The following SNCAIP variants were observed in gnomAD, a reference collection of about 807,000 sequenced individuals.
SNCAIP encodes synuclein alpha interacting protein, also known as synphilin-1.
In SNCAIP, 43 loss-of-function variants were observed where a neutral mutation model predicts 86.7. The observed-to-expected ratio is 0.50, with a 90% CI of 0.39 to 0.64. SNCAIP has a LOEUF of 0.64. SNCAIP is among the 30% of genes least tolerant of loss of function. The pLI is 0.00. For synonymous variants in SNCAIP, 417 were observed against 427.2 expected (o/e 0.98, Z 0.29); for missense variants, 981 against 1,103.1 (o/e 0.89, Z 1.57).
Position 122,377,515 on chromosome 5 carries a change from AGAG to A in SNCAIP, c.-46-13573_-46-13571del, listed in dbSNP as rs1356219960. Among the ~76,000 whole-genome samples, 5 of 151,742 alleles carry A rather than the reference AGAG, an allele frequency of 3.3e-5. No individual in the cohort carries two copies. In the East Asian group the frequency reaches 9.7e-4, roughly 29 times the overall value. On this transcript the variant is annotated intron_variant, in intron 1 of 10. Transcript: ENST00000261368. The stretch of plus-strand genomic sequence containing the variant: ...CAGACAGAGAGAGAGAGAGAGAGAG[AGAG>A]AGAAAGAAAGAAAGAGAGATCAGAT...
Position 122,413,431 on chromosome 5 carries a change from A to T in SNCAIP, c.131-9437A>T, listed in dbSNP as rs139186574. ...TAATTGGCTTCTTCTCATCCTCCAG[A>T]TCTTAGCTTAAATGTCACCTCCTTG... On this transcript the variant is annotated intron_variant, in intron 3 of 10. Coordinates refer to ENST00000261368, the MANE Select transcript of SNCAIP (RefSeq NM_005460.4). 2.4e-3 allele frequency among the ~76,000 whole-genome samples: 359 copies of T among 152,192 alleles called. 1 individual carries two copies. The highest frequency in any genetic ancestry group is 7.3e-3 in the African/African-American group (302 of 41,528).
chr5:122,463,675 C>T lies in SNCAIP; in HGVS notation c.*179C>T. The T allele has an allele frequency of 1.6e-6, 1 of 618,392 alleles. No homozygotes were observed. Among genetic ancestry groups the T allele is most frequent in the East Asian group, 2.8e-5 (1 of 36,168 alleles). The allele number at this position is 618,392 out of a possible 1,614,324, so 38.3% of individuals were successfully genotyped here. On this transcript the variant is annotated 3_prime_UTR_variant, in exon 11 of 11. Transcript: ENST00000261368. ...GAGAACCATGAAAACAATGCCTCAC[C>T]AGCAGAAGAACAGAATATCAGGATG...
chr5:122,335,821 G>A (rs1182622120), intron 1 of SNCAIP, among the ~76,000 whole-genome samples: 1 of 152,168 alleles, frequency 6.6e-6, no homozygotes, highest in African/African-American at 2.4e-5. Flanking sequence ...AATACAGGCT[G>A]CCCCAGGAAG....
chr5:122,406,645 T>C (rs1465837044), intron 3 of SNCAIP, among the ~76,000 whole-genome samples: 1 of 152,108 alleles, frequency 6.6e-6, no homozygotes, highest in African/African-American at 2.4e-5. Context: ...AAGTTTGTAA[T>C]ACCTCTCCTA....
chr5:122,444,594 T>C lies in SNCAIP; in HGVS notation c.1454T>C (p.Met485Thr), dbSNP rs753209695. The stretch of plus-strand genomic sequence containing the variant: ...GTTGAATATGGAGCAAATGTCACCA[T>C]GCAGAACCACGCTGGGGAAAAGCCC... ...TLVEYGANVT[M>T]QNHAGEKPSQ... Residue 485 changes from methionine to threonine, a missense_variant, in exon 8 of 11, where the codon ATG becomes ACG. Physicochemically the swap from Met to Thr is moderately conservative, Grantham distance 81. Coordinates refer to ENST00000261368, the MANE Select transcript of SNCAIP (RefSeq NM_005460.4). 5.0e-6 allele frequency: 8 copies of C among 1,614,068 alleles called. No individual in the cohort carries two copies. Among genetic ancestry groups the C allele is most frequent in the African/African-American group, 1.3e-5 (1 of 74,930 alleles).
chr5:122,375,323 T>G (rs1005631364), intron 1 of SNCAIP, among the ~76,000 whole-genome samples: 1 of 152,166 alleles, frequency 6.6e-6, no homozygotes, highest in African/African-American at 2.4e-5. Flanking sequence ...ATAATTCTAA[T>G]TAAAAATATA....
chr5:122,461,211 G>A (rs984398754), intron 10 of SNCAIP, among the ~76,000 whole-genome samples: 1 of 152,118 alleles, frequency 6.6e-6, no homozygotes, highest in African/African-American at 2.4e-5. Context: ...TAATGTGTCT[G>A]TTGAGAAGCC....
Position 122,341,167 on chromosome 5 carries a change from C to T in SNCAIP, c.-47+28883C>T, listed in dbSNP as rs140450807. Among the ~76,000 whole-genome samples the T allele has an allele frequency of 7.0e-4, 106 of 152,292 alleles. 1 individual carries two copies. Among genetic ancestry groups the T allele is most frequent in the Middle Eastern group, 3.4e-3 (1 of 292 alleles). On this transcript the variant is annotated intron_variant, in intron 1 of 10. Coordinates refer to ENST00000261368, the MANE Select transcript of SNCAIP (RefSeq NM_005460.4). The stretch of plus-strand genomic sequence containing the variant: ...GGCTAACCAGCGAGGATAATCAGCA[C>T]CTTGTCTTTCTTAAAATTGACAGGG...
intron 2 of SNCAIP, among the ~76,000 whole-genome samples, chr5:122,402,404 G>C (rs1278659743): frequency 6.6e-6 from 1 of 152,170 alleles, no homozygotes; most frequent in African/African-American, 2.4e-5. Flanking sequence ...CTGAGCATGT[G>C]GGTGGGTTTG....
chr5:122,345,680 A>G (rs984123796), intron 1 of SNCAIP, among the ~76,000 whole-genome samples: 20 of 144,700 alleles, frequency 1.4e-4, no homozygotes, highest in African/African-American at 5.5e-4. Context: ...CAACACCCGG[A>G]GTCAGGGGAT....
chr5:122,355,458 G>A (rs994978291), intron 1 of SNCAIP, among the ~76,000 whole-genome samples: 1 of 152,032 alleles, frequency 6.6e-6, no homozygotes, highest in African/African-American at 2.4e-5. Flanking sequence ...GATAAACCCC[G>A]GGTGTGAGGC....
intron 6 of SNCAIP, among the ~76,000 whole-genome samples, chr5:122,435,800 G>A (rs971103726): frequency 6.6e-6 from 1 of 152,096 alleles, no homozygotes; most frequent in Non-Finnish European, 1.5e-5. Context: ...ACTTTAAAAA[G>A]GAAAAATATT....
At chr5:122,398,794 A>G (rs1225638520) in intron 2 of SNCAIP, among the ~76,000 whole-genome samples, 1 of 152,146 alleles carries the variant, frequency 6.6e-6, no homozygotes, top group East Asian at 1.9e-4. Context: ...TCAGGAATAA[A>G]AGCCAAAGCT....
At chr5:122,356,899 A>G (rs1761122094) in intron 1 of SNCAIP, among the ~76,000 whole-genome samples, 1 of 152,090 alleles carries the variant, frequency 6.6e-6, no homozygotes, top group African/African-American at 2.4e-5. Context: ...TTTGATCTCT[A>G]CCTAGCTCCT....
At position 122,351,536 on chromosome 5, in the gene SNCAIP, C is replaced by CAAAAAAAA. The variant is rs541191012; in HGVS notation, c.-47+39275_-47+39282dup. Among the ~76,000 whole-genome samples the CAAAAAAAA allele has an allele frequency of 2.9e-3, 107 of 36,506 alleles. 12 individuals carry two copies. Among genetic ancestry groups the CAAAAAAAA allele is most frequent in the African/African-American group, 4.9e-3 (59 of 11,976 alleles). The allele number at this position is 36,506 out of a possible 152,430, so 23.9% of individuals were successfully genotyped here. ...TGGGCAACAGAGTGAGACTCTGTAT[C>CAAAAAAAA]AAAAAAAAAAAAAAAAAAAAAAAAA... On this transcript the variant is annotated intron_variant, in intron 1 of 10. Coordinates refer to ENST00000261368, the MANE Select transcript of SNCAIP (RefSeq NM_005460.4).
chr5:122,379,589 G>C (rs1290995535), intron 1 of SNCAIP, among the ~76,000 whole-genome samples: 1 of 150,126 alleles, frequency 6.7e-6, no homozygotes, highest in African/African-American at 2.4e-5. Context: ...GAATAGGAGT[G>C]GTGAGAGAGG....
chr5:122,428,275 G>A (rs905519748), intron 5 of SNCAIP, among the ~76,000 whole-genome samples: 1 of 152,032 alleles, frequency 6.6e-6, no homozygotes. Context: ...AGTGGCCCCA[G>A]GCCCATAGAC....
upstream of SNCAIP, chr5:122,311,831 G>GA (rs1434225983): frequency 6.6e-6 from 1 of 152,530 alleles, no homozygotes; most frequent in Admixed American, 6.5e-5. Flanking sequence ...CAGGCCGGGG[G>GA]ATCCCTGGTG....
In SNCAIP at chr5:122,443,011, G is replaced by A. The variant is rs563921083; in HGVS notation, c.1423-1552G>A. 2.0e-5 allele frequency among the ~76,000 whole-genome samples: 3 copies of A among 152,284 alleles called. No individual in the cohort carries two copies. The East Asian group carries it at 5.8e-4, about 29-fold the overall frequency. ...TGGAAAGAAAACTGCAGAGGTCAGG[G>A]CCAAGGGGGAGTAATAACAGTGTGT... On this transcript the variant is annotated intron_variant, in intron 7 of 10. Coordinates refer to ENST00000261368, the MANE Select transcript of SNCAIP (RefSeq NM_005460.4).
Sources: gnomAD v4.1 joint callset for allele counts (sites outside exome capture counted in the v4.1 genomes callset) on GRCh38, gnomAD v4.1.1 for gene constraint, MANE v1.5 for transcripts, NCBI Gene and HGNC (gene_info 2026-07-23, HGNC 2026-07-21) for gene names.